RBL2: variants seen among roughly 807,000 people sequenced by gnomAD.
The protein encoded by RBL2 is RB transcriptional corepressor like 2.
Under a neutral mutation model 126.0 loss-of-function variants are expected in RBL2, and 56 were observed. The observed-to-expected ratio is 0.44, with a 90% CI of 0.36 to 0.56. The LOEUF (loss-of-function observed/expected upper bound fraction) is 0.56. Among genes scored for constraint, RBL2 ranks in the 20% least tolerant of loss-of-function variants. The pLI is 0.00. For synonymous variants in RBL2, 454 were observed against 478.5 expected (o/e 0.95, Z 0.67); for missense variants, 1,229 against 1,398.2 (o/e 0.88, Z 1.93).
intron 4 of RBL2, among the ~76,000 whole-genome samples, chr16:53,451,248 G>A (rs933104514): frequency 2.6e-5 from 4 of 152,144 alleles, no homozygotes; most frequent in African/African-American, 9.7e-5. Flanking sequence ...GTTTACACCT[G>A]TAATCCTAGC....
chr16:53,442,857 C>T lies in RBL2; in HGVS notation c.571C>T (p.Arg191Trp), dbSNP rs761109666. ...QPRQQRGRKQ[R>W]RQPCTVSEIF... The stretch of plus-strand genomic sequence containing the variant: ...TCGTCAGCAGCGAGGAAGGAAACAG[C>T]GGTAGGTTTTCTTGTTGGTTCATCA... Residue 191 changes from arginine (R) to tryptophan (W), a missense_variant and splice_region_variant, in exon 3 of 22, where the codon CGG becomes TGG. By Grantham distance (101) the Arg-to-Trp change is moderately radical (BLOSUM62 -3). Transcript: ENST00000262133. 15 of 1,606,568 alleles carry T rather than the reference C, an allele frequency of 9.3e-6. No individual in the cohort carries two copies. Among genetic ancestry groups the T allele is most frequent in the Admixed American group, 8.4e-5 (5 of 59,530 alleles).
At chr16:53,451,096 C>T (rs2058110441) in intron 4 of RBL2, among the ~76,000 whole-genome samples, 2 of 152,020 alleles carry the variant, frequency 1.3e-5, no homozygotes, top group South Asian at 4.1e-4. Flanking sequence ...TCAGAATTTT[C>T]AAAGAAAAGA....
At chr16:53,485,701 A>G (rs1334907303) in intron 21 of RBL2, among the ~76,000 whole-genome samples, 1 of 151,930 alleles carries the variant, frequency 6.6e-6, no homozygotes, top group African/African-American at 2.4e-5. Context: ...TTTAAAAAAA[A>G]AAAATTTAAC....
intron 17 of RBL2, among the ~76,000 whole-genome samples, chr16:53,477,639 C>T (rs1198512598): frequency 6.6e-6 from 1 of 152,150 alleles, no homozygotes; most frequent in Non-Finnish European, 1.5e-5. Flanking sequence ...GCCACTACAC[C>T]CAGCCTATTT....
intron 8 of RBL2, among the ~76,000 whole-genome samples, chr16:53,456,946 T>C (rs1453154373): frequency 6.6e-6 from 1 of 152,162 alleles, no homozygotes; most frequent in African/African-American, 2.4e-5. Context: ...AAGAATTGTT[T>C]ATTACCTGTC....
chr16:53,485,817 C>CG (rs1961143866), intron 21 of RBL2, among the ~76,000 whole-genome samples: 1 of 151,900 alleles, frequency 6.6e-6, no homozygotes, highest in Non-Finnish European at 1.5e-5. Context: ...GCTCACATTA[C>CG]TACACTCCAG....
chr16:53,482,560 A>G (rs1158334490), intron 21 of RBL2, among the ~76,000 whole-genome samples: 1 of 152,170 alleles, frequency 6.6e-6, no homozygotes, highest in Non-Finnish European at 1.5e-5. Context: ...CTGTAATCCC[A>G]ACACTTTGGG....
chr16:53,451,678 T>G, intron 4 of RBL2, 25 bp from the exon 5 acceptor site: 4 of 1,606,758 alleles, frequency 2.5e-6, no homozygotes, highest in Non-Finnish European at 3.4e-6. Context: ...CTAATTTAAC[T>G]CTGTAACTGC....
intron 9 of RBL2, 145 bp downstream of exon 9, chr16:53,459,762 C>T: frequency 2.9e-6 from 2 of 701,044 alleles, no homozygotes; most frequent in Non-Finnish European, 4.3e-6. Flanking sequence ...CTATAGAGGA[C>T]CTAGCAATAA....
chr16:53,475,835 C>CTTTTT (rs10540773), intron 17 of RBL2, among the ~76,000 whole-genome samples: 7 of 76,452 alleles, frequency 9.2e-5, no homozygotes, highest in African/African-American at 2.5e-4. Context: ...ATTTCAATAT[C>CTTTTT]TTTTTTTTTT....
chr16:53,456,608 C>T (rs771353513), intron 8 of RBL2, among the ~76,000 whole-genome samples: 6 of 152,164 alleles, frequency 3.9e-5, no homozygotes, highest in African/African-American at 1.4e-4. Context: ...AGTTATCTGG[C>T]CCTGGCTCTC....
chr16:53,475,028 CTT>C (rs1324911725), intron 17 of RBL2, among the ~76,000 whole-genome samples: 2 of 152,184 alleles, frequency 1.3e-5, no homozygotes, highest in Non-Finnish European at 2.9e-5. Context: ...AATTCCGTCT[CTT>C]ATTTGTTATA....
intron 17 of RBL2, among the ~76,000 whole-genome samples, chr16:53,471,670 T>C (rs1302485678): frequency 6.6e-6 from 1 of 152,132 alleles, no homozygotes; most frequent in Non-Finnish European, 1.5e-5. Flanking sequence ...GGTTTGACCA[T>C]GTTGGCCAGG....
rs1961449656 is a variant in RBL2 at position 53,491,445 on chromosome 16, C to CTTAT, written c.*1147_*1150dup. The stretch of plus-strand genomic sequence containing the variant: ...GCAGTTTTCAAGTCAAATTAATAAT[C>CTTAT]TTATTAGGGAGAAAATTCAATTGTA... On this transcript the variant is annotated 3_prime_UTR_variant, in exon 22 of 22. Transcript: ENST00000262133. 6.6e-6 allele frequency: 1 copy of CTTAT among 152,264 alleles called. No homozygotes were observed. The highest frequency in any genetic ancestry group is 1.5e-5 in the Non-Finnish European group (1 of 67,978). 9.4% of individuals were successfully genotyped at this position (152,264 alleles called of 1,614,324 possible). A position where few individuals can be genotyped will look rare whatever the true frequency, so the allele number is the denominator to read the frequency against.
intron 20 of RBL2, 40 bp from the exon 21 acceptor site, chr16:53,481,631 A>AT: frequency 6.9e-7 from 1 of 1,445,806 alleles, no homozygotes; most frequent in Non-Finnish European, 9.3e-7. Context: ...ATAATTATAA[A>AT]TTTTTTTCTT....
intron 21 of RBL2, among the ~76,000 whole-genome samples, chr16:53,483,028 A>AT (rs1385661322): frequency 9.2e-5 from 14 of 152,034 alleles, no homozygotes; most frequent in Non-Finnish European, 1.3e-4. Context: ...CCTTCAGTGT[A>AT]TTTTTTTTTA....
At chr16:53,486,525 ACT>A (rs954187460) in intron 21 of RBL2, among the ~76,000 whole-genome samples, 5 of 151,992 alleles carry the variant, frequency 3.3e-5, no homozygotes, top group African/African-American at 1.2e-4. Flanking sequence ...TTCTATAGAA[ACT>A]CTCCCAAAAA....
At position 53,439,002 on chromosome 16, in the gene RBL2, C is replaced by T; in HGVS notation, c.241-14C>T. ...AGCTTTTTAACTAAAAATCAATTTT[C>T]TTTTCTTTTACAGGGAAATGATCTT... is the stretch of plus-strand genomic sequence containing the variant. On this transcript the variant is annotated splice_polypyrimidine_tract_variant and intron_variant, in intron 1 of 21. Transcript: ENST00000262133. 1 of 1,529,436 alleles carries T rather than the reference C, an allele frequency of 6.5e-7. No individual in the cohort carries two copies. Among genetic ancestry groups the T allele is most frequent in the Non-Finnish European group, 8.8e-7 (1 of 1,139,268 alleles). 94.7% of individuals were successfully genotyped at this position (1,529,436 alleles called of 1,614,324 possible).
intron 17 of RBL2, among the ~76,000 whole-genome samples, chr16:53,476,874 A>G (rs1960744444): frequency 6.6e-6 from 1 of 152,222 alleles, no homozygotes; most frequent in Admixed American, 6.5e-5. Context: ...TAAATCTAAA[A>G]TGTCTCCTGT....
Sources: allele counts gnomAD v4.1 joint callset (sites outside exome capture counted in the v4.1 genomes callset), GRCh38; gene constraint gnomAD v4.1.1; transcripts MANE v1.5; gene names NCBI Gene and HGNC (gene_info 2026-07-23, HGNC 2026-07-21).